The following FCGR1A variants were observed in gnomAD, a reference collection of about 807,000 sequenced individuals.
FCGR1A encodes Fc gamma receptor Ia.
In FCGR1A, 13 loss-of-function variants were observed where a neutral mutation model predicts 35.0. That is an observed-to-expected ratio of 0.37 (90% CI 0.24 to 0.59). The LOEUF (loss-of-function observed/expected upper bound fraction) is 0.59. Ranked by LOEUF, FCGR1A falls within the 20% of genes least tolerant of loss-of-function variation. The pLI is 0.71. For missense variants in FCGR1A, 227 were observed against 430.0 expected, an observed-to-expected ratio of 0.53 and a Z score of 4.17; for synonymous variants, 91 against 164.7, an observed-to-expected ratio of 0.55 and a Z score of 3.43.
downstream of FCGR1A, chr1:149,792,673 A>C: frequency 1.6e-6 from 2 of 1,278,762 alleles, no homozygotes; most frequent in Non-Finnish European, 2.0e-6. Flanking sequence ...CGCAGCCGCC[A>C]GCGCCCGGGG....
At chr1:149,784,607 A>G (rs1313127286) in intron 3 of FCGR1A, among the ~76,000 whole-genome samples, 5 of 151,426 alleles carry the variant, frequency 3.3e-5, no homozygotes, top group Non-Finnish European at 7.4e-5. Context: ...CCCAAAACCT[A>G]GATCTGCAGT....
At chr1:149,784,380 T>C in intron 3 of FCGR1A, 123 bp downstream of exon 3, 3 of 1,586,248 alleles carry the variant, frequency 1.9e-6, no homozygotes, top group Non-Finnish European at 2.6e-6. Flanking sequence ...ACTATGTACC[T>C]ACCAGGTGAA....
chr1:149,792,239 G>T (rs144844341), downstream of FCGR1A: 1,883 of 175,908 alleles, frequency 0.011, 14 homozygotes, highest in Middle Eastern at 0.02. Context: ...TTTGTTTAAC[G>T]ATTAAGTCCA....
the FCGR1A span, among the ~76,000 whole-genome samples, chr1:149,797,119 G>T: frequency 1.3e-5 from 2 of 152,168 alleles, no homozygotes; most frequent in Non-Finnish European, 2.9e-5. Context: ...CACCATCTTG[G>T]CTAGGCTGGT....
intron 3 of FCGR1A, chr1:149,786,899 C>T (rs1401842714): frequency 3.3e-5 from 5 of 152,050 alleles, no homozygotes; most frequent in African/African-American, 1.2e-4. Flanking sequence ...TTGAAAATTG[C>T]TTTGTGGCCT....
downstream of FCGR1A, chr1:149,793,222 C>G: frequency 3.2e-6 from 4 of 1,266,342 alleles, no homozygotes; most frequent in Non-Finnish European, 4.1e-6. Context: ...CTTGGCTTGT[C>G]GCAAGAGCAG....
At chr1:149,793,252 G>T (rs782767162), downstream of FCGR1A, 33 of 1,251,194 alleles carry the variant, frequency 2.6e-5, no homozygotes, top group South Asian at 3.6e-4. Flanking sequence ...GCGGCGGCAG[G>T]GAGGGAGCGG....
chr1:149,785,228 A>G (rs1439749615), intron 3 of FCGR1A, among the ~76,000 whole-genome samples: 6 of 152,278 alleles, frequency 3.9e-5, no homozygotes, highest in South Asian at 2.1e-4. Context: ...GCAAAAGTCA[A>G]TCCACACTGG....
downstream of FCGR1A, chr1:149,792,317 G>A (rs587752358): frequency 6.6e-6 from 2 of 302,762 alleles, no homozygotes; most frequent in Non-Finnish European, 1.1e-5. Flanking sequence ...ATAGAGTCCA[G>A]ATCTTGCCTC....
Position 149,790,106 on chromosome 1 carries a change from G to A in FCGR1A, c.612G>A (p.Glu204=), listed in dbSNP as rs782609134. The part of the protein sequence containing the change: ...LNASVTSPLL[E]GNLVTLSCET... ...CATCTGTGACATCCCCACTCCTGGA[G>A]GGGAATCTGGTCACCCTGAGCTGTG... The change falls in exon 5 of 6, where the codon GAG becomes GAA. Residue 204 remains glutamate, a synonymous_variant. Coordinates refer to ENST00000369168, the MANE Select transcript of FCGR1A (RefSeq NM_000566.4). 1.4e-5 allele frequency: 23 copies of A among 1,613,854 alleles called. No individual in the cohort carries two copies. Among genetic ancestry groups the A allele is most frequent in the Non-Finnish European group, 1.9e-5 (23 of 1,179,870 alleles).
downstream of FCGR1A, chr1:149,793,131 C>T (rs1385514978): frequency 6.3e-6 from 8 of 1,274,426 alleles, no homozygotes; most frequent in African/African-American, 1.3e-4. Flanking sequence ...GTGCGCCCGG[C>T]CGAGCCTCCG....
chr1:149,790,385 C>G, intron 5 of FCGR1A, 47 bp downstream of exon 5: 1 of 1,556,716 alleles, frequency 6.4e-7, no homozygotes, highest in East Asian at 2.3e-5. Flanking sequence ...AAGGGACTCC[C>G]TTATCTCCCA....
chr1:149,798,618 T>TA, the FCGR1A span, among the ~76,000 whole-genome samples: 695 of 139,628 alleles, frequency 5.0e-3, 12 homozygotes, highest in South Asian at 0.043. Flanking sequence ...AAACCGACTT[T>TA]AAAAAAAAAA....
the FCGR1A span, among the ~76,000 whole-genome samples, chr1:149,799,487 T>C: frequency 6.6e-6 from 1 of 151,990 alleles, no homozygotes; most frequent in Non-Finnish European, 1.5e-5. Context: ...AATATCCTCC[T>C]TTTATTCCTT....
Sources: gnomAD v4.1 joint callset for allele counts (sites outside exome capture counted in the v4.1 genomes callset) on GRCh38, gnomAD v4.1.1 for gene constraint, MANE v1.5 for transcripts, NCBI Gene and HGNC (gene_info 2026-07-23, HGNC 2026-07-21) for gene names.